The following NAV2 variants were observed in gnomAD, a reference collection of about 807,000 sequenced individuals.
The protein encoded by NAV2 is neuron navigator 2, also known as helicase, APC down-regulated 1.
A neutral mutation model predicts 223.2 loss-of-function variants in NAV2; 54 were observed. The ratio of observed to expected loss-of-function variants is 0.24; its 90% CI spans 0.19 to 0.30. The LOEUF (loss-of-function observed/expected upper bound fraction) is 0.30. NAV2 is among the 10% of genes least tolerant of loss of function. The pLI, the probability that NAV2 is intolerant of heterozygous loss-of-function variation, is 1.00. For missense variants in NAV2, 2,806 were observed against 3,147.5 expected, an observed-to-expected ratio of 0.89 and a Z score of 2.60; for synonymous variants, 1,279 against 1,239.3, an observed-to-expected ratio of 1.03 and a Z score of -0.67.
At chr11:20,105,834 C>A in intron 35 of NAV2, 107 bp downstream of exon 35, 3 of 896,926 alleles carry the variant, frequency 3.3e-6, no homozygotes, top group Non-Finnish European at 5.2e-6. Flanking sequence ...AGAAGCTGGA[C>A]TGTCCATAAA....
At chr11:19,514,150 A>G (rs1755225960) in intron 1 of NAV2, among the ~76,000 whole-genome samples, 1 of 152,112 alleles carries the variant, frequency 6.6e-6, no homozygotes, top group African/African-American at 2.4e-5. Flanking sequence ...GTTGGCACCT[A>G]GGTCTGCAGG....
chr11:19,977,459 T>C (rs1298685463), intron 10 of NAV2, among the ~76,000 whole-genome samples: 1 of 152,226 alleles, frequency 6.6e-6, no homozygotes, highest in East Asian at 1.9e-4. Flanking sequence ...GAATTTCACC[T>C]TTATTTGATT....
At chr11:20,086,752 G>A (rs1285852348) in intron 26 of NAV2, among the ~76,000 whole-genome samples, 1 of 152,196 alleles carries the variant, frequency 6.6e-6, no homozygotes, top group African/African-American at 2.4e-5. Context: ...TGGATCAGAT[G>A]TGAGTGCAAG....
At chr11:20,060,263 T>C (rs971622268) in intron 19 of NAV2, among the ~76,000 whole-genome samples, 6 of 152,272 alleles carry the variant, frequency 3.9e-5, no homozygotes, top group Non-Finnish European at 7.3e-5. Flanking sequence ...TGCAAGTGTG[T>C]GTGGCTATGT....
chr11:19,587,632 C>A (rs2045943207), intron 1 of NAV2, among the ~76,000 whole-genome samples: 1 of 152,200 alleles, frequency 6.6e-6, no homozygotes, highest in Non-Finnish European at 1.5e-5. Context: ...AGGGTTAATT[C>A]ATGGCTGATG....
chr11:19,806,140 T>C lies in NAV2; in HGVS notation c.268-26344T>C, dbSNP rs575969300. The stretch of plus-strand genomic sequence containing the variant: ...GTGTTCCATCTTTATAGAGTTTCTT[T>C]CCCACACTCTTATATGAAAATAAAC... On this transcript the variant is annotated intron_variant, in intron 1 of 37. Transcript: ENST00000349880. Among the ~76,000 whole-genome samples, 5 of 152,348 alleles carry C rather than the reference T, an allele frequency of 3.3e-5. No homozygotes were observed. The South Asian group carries it at 1.0e-3, about 32-fold the overall frequency.
rs1194398058 is a variant in NAV2, at chr11:20,048,948, C to T, written c.4123C>T (p.His1375Tyr). Reference protein sequence around the residue: ...SPLASSPSSAHSAPSNSLTWG... With the variant: ...SPLASSPSSAYSAPSNSLTWG... ...GCTAGCCTCCAGCCCCAGCTCAGCCCACTCGGCCCCTTCCAACAGCCTCAC... is the reference window on the plus strand; with the variant it reads ...GCTAGCCTCCAGCCCCAGCTCAGCCTACTCGGCCCCTTCCAACAGCCTCAC... Residue 1375 changes from histidine (H) to tyrosine (Y), a missense_variant, in exon 15 of 38, where the codon CAC becomes TAC. His to Tyr is a moderately conservative substitution (Grantham distance 83). Coordinates refer to ENST00000349880, the MANE Select transcript of NAV2 (RefSeq NM_145117.5). The T allele has an allele frequency of 6.2e-7, 1 of 1,614,198 alleles. No homozygotes were observed. The highest frequency in any genetic ancestry group is 1.3e-5 in the African/African-American group (1 of 75,060).
At chr11:20,046,913 A>G (rs1328889259) in intron 14 of NAV2, among the ~76,000 whole-genome samples, 1 of 152,232 alleles carries the variant, frequency 6.6e-6, no homozygotes, top group South Asian at 2.1e-4. Context: ...AAGAAAATCA[A>G]GCAGTGAGAA....
At chr11:19,819,438 G>A (rs956765017) in intron 1 of NAV2, among the ~76,000 whole-genome samples, 1 of 152,174 alleles carries the variant, frequency 6.6e-6, no homozygotes, top group East Asian at 1.9e-4. Flanking sequence ...CCACAGGGTT[G>A]TTTTAATTGC....
chr11:19,570,161 T>C (rs930574599), intron 1 of NAV2, among the ~76,000 whole-genome samples: 1 of 152,168 alleles, frequency 6.6e-6, no homozygotes, highest in Non-Finnish European at 1.5e-5. Flanking sequence ...AGAGGCTGAA[T>C]GATAGGCATC....
chr11:19,531,105 C>A (rs1283948309), intron 1 of NAV2, among the ~76,000 whole-genome samples: 2 of 152,090 alleles, frequency 1.3e-5, no homozygotes, highest in South Asian at 4.1e-4. Context: ...TATTGCCTGG[C>A]ATAGAGTAGG....
At position 19,949,063 on chromosome 11, in the gene NAV2, C is replaced by G; in HGVS notation, c.2628C>G (p.Thr876=). The part of the protein sequence containing the change: ...DGDVLSKNIR[T]DDITSGYMTD... Reference sequence around the variant, plus strand: ...ATGTTCTGAGCAAGAACATCCGGACCGATGACATTACAAGCGGGTAAGTAC... The same window carrying G: ...ATGTTCTGAGCAAGAACATCCGGACGGATGACATTACAAGCGGGTAAGTAC... The change falls in exon 10 of 38, where the codon ACC becomes ACG. Residue 876 remains threonine (T), a synonymous_variant. Coordinates refer to ENST00000349880, the MANE Select transcript of NAV2 (RefSeq NM_145117.5). The G allele has an allele frequency of 1.9e-6, 3 of 1,607,958 alleles. No homozygotes were observed. Among genetic ancestry groups the G allele is most frequent in the Non-Finnish European group, 2.6e-6 (3 of 1,176,068 alleles).
At chr11:19,586,786 C>T (rs1291679261) in intron 1 of NAV2, among the ~76,000 whole-genome samples, 1 of 152,242 alleles carries the variant, frequency 6.6e-6, no homozygotes, top group East Asian at 1.9e-4. Context: ...CAGTCTGCCC[C>T]TACTGGGGGG....
intron 10 of NAV2, chr11:19,981,348 C>T (rs1050112077): frequency 2.0e-5 from 3 of 152,166 alleles, no homozygotes; most frequent in East Asian, 1.9e-4. Flanking sequence ...GGGGCTGCAA[C>T]GTTTCTCAGC....
At chr11:19,383,423 A>G (rs1219653472) in intron 1 of NAV2, among the ~76,000 whole-genome samples, 1 of 152,222 alleles carries the variant, frequency 6.6e-6, no homozygotes, top group Non-Finnish European at 1.5e-5. Flanking sequence ...GCAAGAGATC[A>G]TCTTTTATTG....
chr11:19,976,020 A>G (rs1241202480), intron 10 of NAV2, among the ~76,000 whole-genome samples: 1 of 152,224 alleles, frequency 6.6e-6, no homozygotes, highest in African/African-American at 2.4e-5. Context: ...GTGCCATGCT[A>G]TTGAAATATT....
At chr11:20,060,278 C>A (rs1027925750) in intron 19 of NAV2, among the ~76,000 whole-genome samples, 1 of 152,276 alleles carries the variant, frequency 6.6e-6, no homozygotes, top group Non-Finnish European at 1.5e-5. Flanking sequence ...CTATGTGTTA[C>A]ACACATCTCT....
intron 24 of NAV2, 106 bp from the exon 25 acceptor site, chr11:20,079,958 A>G: frequency 7.8e-7 from 1 of 1,276,526 alleles, no homozygotes; most frequent in Non-Finnish European, 1.1e-6. Context: ...TGTGGAAAAC[A>G]CCCAGTAGTC....
intron 1 of NAV2, among the ~76,000 whole-genome samples, chr11:19,756,404 C>G (rs1190939765): frequency 6.6e-6 from 1 of 152,128 alleles, no homozygotes; most frequent in Non-Finnish European, 1.5e-5. Flanking sequence ...TTATTCAGAC[C>G]AGTACAGGAC....
Sources: gnomAD v4.1 joint callset for allele counts (sites outside exome capture counted in the v4.1 genomes callset) on GRCh38, gnomAD v4.1.1 for gene constraint, MANE v1.5 for transcripts, NCBI Gene and HGNC (gene_info 2026-07-23, HGNC 2026-07-21) for gene names.